The following DOCK3 variants were observed in gnomAD, a reference collection of about 807,000 sequenced individuals.
DOCK3 encodes dedicator of cytokinesis protein 3.
DOCK3 carries 60 observed loss-of-function variants against 265.6 expected under a neutral mutation model. The observed-to-expected ratio is 0.23, with a 90% CI of 0.18 to 0.28. The LOEUF (loss-of-function observed/expected upper bound fraction) is 0.28. Among genes scored for constraint, DOCK3 ranks in the 10% least tolerant of loss-of-function variants. The probability of loss-of-function intolerance (pLI) is 1.00; values close to 1 mark genes in which losing one functional copy is unlikely to be tolerated. For missense variants in DOCK3, 1,981 were observed against 2,594.3 expected (o/e 0.76, Z 5.14); for synonymous variants, 881 against 938.0 (o/e 0.94, Z 1.11).
intron 3 of DOCK3, chr3:50,877,193 C>A: frequency 3.1e-6 from 1 of 323,636 alleles, no homozygotes; most frequent in South Asian, 2.7e-5. Context: ...TCCTGAATGT[C>A]ATCTGGCTTC....
intron 24 of DOCK3, among the ~76,000 whole-genome samples, chr3:51,272,353 C>T (rs560399486): frequency 2.9e-4 from 44 of 151,652 alleles, no homozygotes; most frequent in African/African-American, 9.7e-4. Flanking sequence ...CTCAGCTCAC[C>T]GCAGCCTCCG....
intron 3 of DOCK3, among the ~76,000 whole-genome samples, chr3:50,845,483 G>A (rs940013874): frequency 1.7e-4 from 26 of 152,146 alleles, no homozygotes; most frequent in Non-Finnish European, 2.1e-4. Flanking sequence ...GCAAAAAATT[G>A]CAAGACATAT....
chr3:50,693,124 C>T (rs2035360931), intron 1 of DOCK3, among the ~76,000 whole-genome samples: 1 of 152,152 alleles, frequency 6.6e-6, no homozygotes, highest in African/African-American at 2.4e-5. Context: ...TGTTTTGATA[C>T]TGTAGGTTTG....
chr3:51,015,322 T>C (rs914461363), intron 5 of DOCK3, among the ~76,000 whole-genome samples: 2 of 152,072 alleles, frequency 1.3e-5, no homozygotes, highest in Non-Finnish European at 2.9e-5. Flanking sequence ...ACCCAGTTTT[T>C]TTAAAGATTT....
rs188718122 is a variant in DOCK3 at position 51,271,563 on chromosome 3, G to A, written c.2548+556G>A. Among the ~76,000 whole-genome samples, 395 of 152,214 alleles carry A rather than the reference G, an allele frequency of 2.6e-3. 3 individuals are homozygous for A. Among genetic ancestry groups the A allele is most frequent in the African/African-American group, 9.2e-3 (382 of 41,520 alleles). On this transcript the variant is annotated intron_variant, in intron 24 of 52. Coordinates refer to ENST00000266037, the MANE Select transcript of DOCK3 (RefSeq NM_004947.5). ...TATACCCTCAGGAAAGGAAGGAGAGGAAAAGAGAAGGGACTATCTCAAGGA... is the reference window on the plus strand; with the variant it reads ...TATACCCTCAGGAAAGGAAGGAGAGAAAAAGAGAAGGGACTATCTCAAGGA...
intron 4 of DOCK3, among the ~76,000 whole-genome samples, chr3:50,891,940 G>T (rs1047744580): frequency 6.6e-6 from 1 of 152,106 alleles, no homozygotes; most frequent in Non-Finnish European, 1.5e-5. Flanking sequence ...CAGGAAAGTA[G>T]AAGTGATGTG....
intron 2 of DOCK3, among the ~76,000 whole-genome samples, chr3:50,838,378 A>C (rs1405781462): frequency 6.6e-6 from 1 of 152,266 alleles, no homozygotes; most frequent in Non-Finnish European, 1.5e-5. Flanking sequence ...AATTTTCTAC[A>C]AAAATTTATA....
At chr3:51,347,020 T>C (rs923796260) in intron 38 of DOCK3, among the ~76,000 whole-genome samples, 3 of 152,220 alleles carry the variant, frequency 2.0e-5, no homozygotes, top group Non-Finnish European at 4.4e-5. Context: ...TTTAACTTCT[T>C]TGTAGATTCT....
At chr3:51,049,618 G>T (rs2080912356) in intron 5 of DOCK3, among the ~76,000 whole-genome samples, 1 of 152,132 alleles carries the variant, frequency 6.6e-6, no homozygotes, top group Admixed American at 6.5e-5. Context: ...CAAAATTTTA[G>T]AATTTTGGAG....
chr3:50,839,917 C>T (rs1036957069), intron 2 of DOCK3, among the ~76,000 whole-genome samples: 21 of 150,564 alleles, frequency 1.4e-4, no homozygotes, highest in South Asian at 6.4e-4. Flanking sequence ...TACAGGTGTG[C>T]GCCACCATGC....
In DOCK3 at chr3:50,675,802, G is replaced by GT. The variant is rs977970178; in HGVS notation, c.37+506dup. ...ACATTTGACTGCAAATGTTTGATCT[G>GT]TTTTAATTTGTTTTGCCTTTAGTAT... On this transcript the variant is annotated intron_variant, in intron 1 of 52. Transcript: ENST00000266037. This position sits in a 1 kb window ranked among gnomAD's most constrained non-coding sequence, Gnocchi z 6.1. Among the ~76,000 whole-genome samples the GT allele has an allele frequency of 5.9e-5, 9 of 152,032 alleles. No homozygotes were observed. Among genetic ancestry groups the GT allele is most frequent in the African/African-American group, 2.2e-4 (9 of 41,404 alleles).
intron 3 of DOCK3, among the ~76,000 whole-genome samples, chr3:50,848,446 G>T (rs1014793797): frequency 6.6e-6 from 1 of 152,142 alleles, no homozygotes; most frequent in Non-Finnish European, 1.5e-5. Flanking sequence ...TTGTTTCCAT[G>T]TTTAGAACTC....
chr3:50,754,157 CAAAAAAAAAAA>C (rs71084110), intron 1 of DOCK3, among the ~76,000 whole-genome samples: 3 of 61,574 alleles, frequency 4.9e-5, no homozygotes, highest in Middle Eastern at 0.021. Flanking sequence ...GACTCTGTCT[CAAAAAAAAAAA>C]AAAAAAAAAA....
In DOCK3 at chr3:51,161,027, G is replaced by A. The variant is rs529399368; in HGVS notation, c.1037+325G>A. 8.6e-4 allele frequency among the ~76,000 whole-genome samples: 125 copies of A among 145,526 alleles called. 1 individual carries two copies. Among genetic ancestry groups the A allele is most frequent in the Admixed American group, 1.5e-3 (22 of 14,572 alleles). On this transcript the variant is annotated intron_variant, in intron 12 of 52. Transcript: ENST00000266037. ...GGAGGCAGAGGTTGCAGTGAGCTGA[G>A]ATTGCATCACTGCACTCTAGCCTGG...
At chr3:51,319,151 A>C (rs1576784137) in intron 32 of DOCK3, among the ~76,000 whole-genome samples, 3 of 152,192 alleles carry the variant, frequency 2.0e-5, no homozygotes, top group East Asian at 3.8e-4. Flanking sequence ...TTACCAGTGA[A>C]TATGATACTA....
intron 12 of DOCK3, among the ~76,000 whole-genome samples, chr3:51,169,310 A>G (rs2086563587): frequency 6.6e-6 from 1 of 152,248 alleles, no homozygotes; most frequent in Non-Finnish European, 1.5e-5. Flanking sequence ...AGCACTATTC[A>G]CAATAGCAAA....
At chr3:50,997,164 G>A (rs772856081) in intron 5 of DOCK3, among the ~76,000 whole-genome samples, 1 of 152,082 alleles carries the variant, frequency 6.6e-6, no homozygotes, top group Admixed American at 6.6e-5. Flanking sequence ...TATACCCAGT[G>A]CCTAACAGTG....
chr3:51,319,001 A>G (rs2083522671), intron 32 of DOCK3, among the ~76,000 whole-genome samples: 1 of 152,152 alleles, frequency 6.6e-6, no homozygotes, highest in Middle Eastern at 3.2e-3. Flanking sequence ...ATCTGAGAAT[A>G]GAGTTTTATT....
At chr3:51,296,215 C>G (rs1329491998) in intron 27 of DOCK3, among the ~76,000 whole-genome samples, 1 of 152,106 alleles carries the variant, frequency 6.6e-6, no homozygotes, top group African/African-American at 2.4e-5. Context: ...AAGAAAAAAT[C>G]CCAGTTACAG....
Sources: gnomAD v4.1 joint callset for allele counts (sites outside exome capture counted in the v4.1 genomes callset) on GRCh38, gnomAD v4.1.1 for gene constraint, Gnocchi (gnomAD v3.1) non-coding constraint, MANE v1.5 for transcripts, NCBI Gene and HGNC (gene_info 2026-07-23, HGNC 2026-07-21) for gene names.